SMAD2: variants seen among roughly 807,000 people sequenced by gnomAD.
SMAD2 encodes SMAD family member 2, also known as MAD homolog 2.
Under a neutral mutation model 64.4 loss-of-function variants are expected in SMAD2, and 8 were observed. The observed-to-expected ratio is 0.12, with a 90% CI of 0.07 to 0.22. The LOEUF (loss-of-function observed/expected upper bound fraction) is 0.22. Among genes scored for constraint, SMAD2 ranks in the 10% least tolerant of loss-of-function variants. The probability of loss-of-function intolerance (pLI) is 1.00; values close to 1 mark genes in which losing one functional copy is unlikely to be tolerated. For missense variants in SMAD2, 289 were observed against 561.2 expected, an observed-to-expected ratio of 0.51 and a Z score of 4.90; for synonymous variants, 203 against 195.8, an observed-to-expected ratio of 1.04 and a Z score of -0.31.
rs1913006746 is a variant in SMAD2, at chr18:47,831,827, A to T, written c.*10000T>A. The T allele has an allele frequency of 6.6e-6, 1 of 152,224 alleles. No homozygotes were observed. The highest frequency in any genetic ancestry group is 2.1e-4 in the South Asian group (1 of 4,834). 9.4% of individuals were successfully genotyped at this position (152,224 alleles called of 1,614,324 possible). A position where few individuals can be genotyped will look rare whatever the true frequency, so the allele number is the denominator to read the frequency against. ...TCTACAAATATTTCCATACCTATTT[A>T]TTGCAGCAAAAGATAATTTTTATGT... On this transcript the variant is annotated 3_prime_UTR_variant, in exon 11 of 11. Transcript: ENST00000262160.
In SMAD2 at chr18:47,841,777, C is replaced by G. The variant is rs747612116; in HGVS notation, c.*50G>C. 5.0e-6 allele frequency: 8 copies of G among 1,611,152 alleles called. No individual in the cohort carries two copies. Among genetic ancestry groups the G allele is most frequent in the South Asian group, 1.1e-5 (1 of 90,948 alleles). ...ATAGGGACCACACACAATGCTATGA[C>G]AGAAGAGTTGTTACATTAAGTCTTT... On this transcript the variant is annotated 3_prime_UTR_variant, in exon 11 of 11. Transcript: ENST00000262160.
intron 6 of SMAD2, among the ~76,000 whole-genome samples, chr18:47,852,475 G>C (rs2030208515): frequency 2.0e-5 from 3 of 152,120 alleles, no homozygotes; most frequent in Non-Finnish European, 2.9e-5. Context: ...ATAGTCTCAA[G>C]CAATACAAGC....
chr18:47,902,256 T>C (rs1422438311), intron 1 of SMAD2, among the ~76,000 whole-genome samples: 1 of 152,120 alleles, frequency 6.6e-6, no homozygotes, highest in African/African-American at 2.4e-5. Context: ...GGGTGCAAAA[T>C]TTTGCTTTCT....
In SMAD2 at chr18:47,836,635, ATATTAT is replaced by A. The variant is rs945509173; in HGVS notation, c.*5186_*5191del. 2 of 214,256 alleles carry A rather than the reference ATATTAT, an allele frequency of 9.3e-6. No homozygotes were observed. Among genetic ancestry groups the A allele is most frequent in the African/African-American group, 4.5e-5 (2 of 44,112 alleles). 13.3% of individuals were successfully genotyped at this position (214,256 alleles called of 1,614,324 possible). ...TATGTATATATAAATTCATACACATATATTATTTATTTCCTTCTTAAAAAGACTGAG... is the reference window on the plus strand; with the variant it reads ...TATGTATATATAAATTCATACACATATTATTTCCTTCTTAAAAAGACTGAG... On this transcript the variant is annotated 3_prime_UTR_variant, in exon 11 of 11. Coordinates refer to ENST00000262160, the MANE Select transcript of SMAD2 (RefSeq NM_005901.6).
In SMAD2 at chr18:47,812,942, AG is replaced by A. The variant is rs1261047714; in HGVS notation, c.*28884del. On this transcript the variant is annotated 3_prime_UTR_variant, in exon 11 of 11. Transcript: ENST00000262160. ...AATTTAAACTGGGTTCTGGCCAGGCAGGGTGACTCACACCTGTAATCCCAGC... is the reference window on the plus strand; with the variant it reads ...AATTTAAACTGGGTTCTGGCCAGGCAGGTGACTCACACCTGTAATCCCAGC... 1 of 152,242 alleles carries A rather than the reference AG, an allele frequency of 6.6e-6. No homozygotes were observed. Among genetic ancestry groups the A allele is most frequent in the Non-Finnish European group, 1.5e-5 (1 of 68,112 alleles). The allele number at this position is 152,242 out of a possible 1,614,324, so 9.4% of individuals were successfully genotyped here.
chr18:47,846,320 T>C (rs1022587479), intron 8 of SMAD2, among the ~76,000 whole-genome samples: 1 of 152,142 alleles, frequency 6.6e-6, no homozygotes, highest in Non-Finnish European at 1.5e-5. Flanking sequence ...AGATTTTTAA[T>C]ATACTTCTTT....
intron 2 of SMAD2, among the ~76,000 whole-genome samples, chr18:47,874,501 AT>A (rs1177092686): frequency 6.6e-6 from 1 of 152,182 alleles, no homozygotes; most frequent in African/African-American, 2.4e-5. Context: ...ACTAAACTGA[AT>A]ATATGATTTG....
At position 47,829,221 on chromosome 18, in the gene SMAD2, G is replaced by A. The variant is rs932029678; in HGVS notation, c.*12606C>T. On this transcript the variant is annotated 3_prime_UTR_variant, in exon 11 of 11. Coordinates refer to ENST00000262160, the MANE Select transcript of SMAD2 (RefSeq NM_005901.6). ...TTTCAAACTTATCTAAAAGGAAATAGAATACAACAAAGCTCCCTTACCCAA... is the reference window on the plus strand; with the variant it reads ...TTTCAAACTTATCTAAAAGGAAATAAAATACAACAAAGCTCCCTTACCCAA... The A allele has an allele frequency of 2.6e-5, 4 of 152,110 alleles. No homozygotes were observed. Among genetic ancestry groups the A allele is most frequent in the Admixed American group, 6.5e-5 (1 of 15,278 alleles). The allele number at this position is 152,110 out of a possible 1,614,324, so 9.4% of individuals were successfully genotyped here. A position where few individuals can be genotyped will look rare whatever the true frequency, so the allele number is the denominator to read the frequency against.
At chr18:47,850,021 A>C (rs541787496) in intron 7 of SMAD2, among the ~76,000 whole-genome samples, 1 of 149,874 alleles carries the variant, frequency 6.7e-6, no homozygotes, top group South Asian at 2.1e-4. Context: ...AATAAATAAA[A>C]ATAAATACAA....
chr18:47,884,081 T>C (rs1222419448), intron 2 of SMAD2, among the ~76,000 whole-genome samples: 2 of 152,192 alleles, frequency 1.3e-5, no homozygotes, highest in East Asian at 3.8e-4. Flanking sequence ...CTCCTATCAC[T>C]GCTCTCTCAA....
rs1792659 is a variant in SMAD2, at chr18:47,810,937, G to T, written c.*30890C>A. 75,352 of 152,060 alleles carry T rather than the reference G, an allele frequency of 0.5. 20,036 individuals carry two copies. The highest frequency in any genetic ancestry group is 0.81 in the East Asian group (4,210 of 5,178). 9.4% of individuals were successfully genotyped at this position (152,060 alleles called of 1,614,324 possible). ...TTATGCCAAAACAACTTCCGTGCCT[G>T]TCTTGTACTCTGAAGACAGTAATTA... On this transcript the variant is annotated 3_prime_UTR_variant, in exon 11 of 11. Coordinates refer to ENST00000262160, the MANE Select transcript of SMAD2 (RefSeq NM_005901.6).
intron 10 of SMAD2, chr18:47,844,802 G>A (rs1914336770): frequency 5.9e-6 from 1 of 169,380 alleles, no homozygotes; most frequent in Non-Finnish European, 1.3e-5. Context: ...AAACAGCACA[G>A]TGCCTGGCAC....
At chr18:47,921,881 TAAG>T (rs1008474329) in intron 1 of SMAD2, among the ~76,000 whole-genome samples, 13 of 152,218 alleles carry the variant, frequency 8.5e-5, no homozygotes, top group Non-Finnish European at 1.5e-4. Flanking sequence ...CTGTTTACAG[TAAG>T]AAGAATGGGC....
At chr18:47,895,496 G>C (rs995808951) in intron 2 of SMAD2, 1 of 152,184 alleles carries the variant, frequency 6.6e-6, no homozygotes, top group Admixed American at 6.5e-5. Flanking sequence ...TAGGAAGGCA[G>C]GAGTTTTGTG....
At chr18:47,898,543 A>T (rs1395559169) in intron 1 of SMAD2, among the ~76,000 whole-genome samples, 1 of 152,240 alleles carries the variant, frequency 6.6e-6, no homozygotes, top group African/African-American at 2.4e-5. Context: ...CCCATCAAAG[A>T]ACATGGCTAA....
chr18:47,850,475 T>TATGTATA (rs1915227551), intron 7 of SMAD2, among the ~76,000 whole-genome samples: 1 of 24,856 alleles, frequency 4.0e-5, no homozygotes, highest in African/African-American at 1.9e-4. Flanking sequence ...TAATATATAT[T>TATGTATA]ATATATTATA....
chr18:47,835,904 G>C lies in SMAD2; in HGVS notation c.*5923C>G. On this transcript the variant is annotated 3_prime_UTR_variant, in exon 11 of 11. Transcript: ENST00000262160. The stretch of plus-strand genomic sequence containing the variant: ...TGGAGGGTAAAAGAATACTTTTCTC[G>C]AAATTTTTTTGAAGAAAAATCTAAA... 1 of 205,748 alleles carries C rather than the reference G, an allele frequency of 4.9e-6. No homozygotes were observed. The highest frequency in any genetic ancestry group is 9.9e-6 in the Non-Finnish European group (1 of 100,734). The allele number at this position is 205,748 out of a possible 1,614,324, so 12.7% of individuals were successfully genotyped here.
chr18:47,840,607 A>G lies in SMAD2; in HGVS notation c.*1220T>C, dbSNP rs1913849967. The G allele has an allele frequency of 4.3e-6, 1 of 231,924 alleles. No homozygotes were observed. The highest frequency in any genetic ancestry group is 2.2e-5 in the African/African-American group (1 of 45,310). 14.4% of individuals were successfully genotyped at this position (231,924 alleles called of 1,614,324 possible). On this transcript the variant is annotated 3_prime_UTR_variant, in exon 11 of 11. Transcript: ENST00000262160. ...TAAACTGAATACAACATACTTTAAA[A>G]ACAGATGGCCCATATCTGCTGATCC... is the stretch of plus-strand genomic sequence containing the variant.
intron 1 of SMAD2, among the ~76,000 whole-genome samples, chr18:47,925,597 T>A (rs1456896377): frequency 6.6e-6 from 1 of 152,170 alleles, no homozygotes; most frequent in African/African-American, 2.4e-5. Flanking sequence ...TTGAATTATG[T>A]CCTAACTGAA....
Sources: gnomAD v4.1 joint callset for allele counts (sites outside exome capture counted in the v4.1 genomes callset) on GRCh38, gnomAD v4.1.1 for gene constraint, MANE v1.5 for transcripts, NCBI Gene and HGNC (gene_info 2026-07-23, HGNC 2026-07-21) for gene names.